The following PRDM2 variants were observed in gnomAD, a reference collection of about 807,000 sequenced individuals.
PRDM2 encodes the protein PR domain zinc finger protein 2.
Under a neutral mutation model 130.0 loss-of-function variants are expected in PRDM2, and 30 were observed. The ratio of observed to expected loss-of-function variants is 0.23; its 90% CI spans 0.17 to 0.31. PRDM2 has a LOEUF of 0.31. PRDM2 is among the 10% of genes least tolerant of loss of function. The pLI is 1.00. For missense variants in PRDM2, 2,011 were observed against 2,108.4 expected, an observed-to-expected ratio of 0.95 and a Z score of 0.90; for synonymous variants, 871 against 782.4, an observed-to-expected ratio of 1.11 and a Z score of -1.89.
intron 8 of PRDM2, among the ~76,000 whole-genome samples, chr1:13,791,943 G>A (rs904622931): frequency 6.6e-6 from 1 of 152,246 alleles, no homozygotes; most frequent in South Asian, 2.1e-4. Context: ...ACGGAAGACT[G>A]GTGCCTAAAT....
chr1:13,783,299 T>A, intron 8 of PRDM2: 1 of 380,994 alleles, frequency 2.6e-6, no homozygotes, highest in South Asian at 1.9e-5. Flanking sequence ...CCTGACACTT[T>A]CTTTCAGAAT....
In PRDM2 at chr1:13,806,612, C is replaced by A. The variant is rs1247731150; in HGVS notation, c.5037-9815C>A. On this transcript the variant is annotated intron_variant, in intron 8 of 9. Coordinates refer to ENST00000311066, the MANE Select transcript of PRDM2 (RefSeq NM_001393986.1). The surrounding 1 kb of genome is among the most constrained non-coding windows in gnomAD (Gnocchi z 4.1). ...TCATCAGCAGATCCCCAAACTCACC[C>A]GGAATCCACAGCTTCTCTCAGCTCA... 1.3e-5 allele frequency among the ~76,000 whole-genome samples: 2 copies of A among 152,254 alleles called. No homozygotes were observed. The highest frequency in any genetic ancestry group is 2.4e-5 in the African/African-American group (1 of 41,552).
intron 8 of PRDM2, among the ~76,000 whole-genome samples, chr1:13,789,320 A>G (rs558418402): frequency 6.6e-5 from 10 of 152,362 alleles, no homozygotes; most frequent in Admixed American, 1.3e-4. Flanking sequence ...CGTTGTTACA[A>G]GTACTTTCTA....
intron 6 of PRDM2, chr1:13,772,176 G>A (rs1479207228): frequency 1.3e-5 from 2 of 152,174 alleles, no homozygotes; most frequent in Non-Finnish European, 2.9e-5. Context: ...GTCTGGATCT[G>A]AAGACTGAAA....
At chr1:13,767,267 G>A (rs559231098) in intron 6 of PRDM2, among the ~76,000 whole-genome samples, 30 of 150,352 alleles carry the variant, frequency 2.0e-4, no homozygotes, top group Non-Finnish European at 3.3e-4. Flanking sequence ...TTTGATTGTT[G>A]CTTTTTTTTT....
intron 5 of PRDM2, among the ~76,000 whole-genome samples, chr1:13,747,853 G>C (rs1287980542): frequency 6.6e-6 from 1 of 151,192 alleles, no homozygotes; most frequent in East Asian, 1.9e-4. Context: ...AAATCAGGAA[G>C]CTAACAGCAA....
intron 1 of PRDM2, among the ~76,000 whole-genome samples, chr1:13,702,516 G>T (rs1032643037): frequency 1.3e-5 from 2 of 152,220 alleles, no homozygotes; most frequent in Admixed American, 1.3e-4. Context: ...TGCGGGTGCA[G>T]TCATAAGAAG....
intron 9 of PRDM2, among the ~76,000 whole-genome samples, chr1:13,818,218 T>C (rs920261659): frequency 2.0e-5 from 3 of 152,264 alleles, no homozygotes; most frequent in Admixed American, 2.0e-4. Flanking sequence ...CACGAGGCAG[T>C]GGTTAAAACA....
intron 6 of PRDM2, among the ~76,000 whole-genome samples, chr1:13,772,649 A>G (rs998719861): frequency 3.9e-5 from 6 of 152,252 alleles, no homozygotes; most frequent in Admixed American, 2.6e-4. Flanking sequence ...CTTAGCTAAA[A>G]GGGCCCCAAG....
intron 8 of PRDM2, chr1:13,787,908 T>C (rs1479684634): frequency 1.0e-6 from 1 of 985,090 alleles, no homozygotes; most frequent in Non-Finnish European, 1.2e-6. Context: ...TAATTATAGA[T>C]AGACAAGAGT....
chr1:13,738,030 G>C (rs1205017846), intron 4 of PRDM2, among the ~76,000 whole-genome samples: 4 of 151,816 alleles, frequency 2.6e-5, no homozygotes, highest in Admixed American at 2.6e-4. Context: ...TAACAAATCT[G>C]TTAGGAACTT....
At chr1:13,710,293 C>T (rs1488016008) in intron 1 of PRDM2, among the ~76,000 whole-genome samples, 1 of 152,206 alleles carries the variant, frequency 6.6e-6, no homozygotes, top group Non-Finnish European at 1.5e-5. Context: ...ATTTTCTGGT[C>T]TCTGGACTTC....
At chr1:13,789,315 T>C (rs1644801336) in intron 8 of PRDM2, among the ~76,000 whole-genome samples, 1 of 152,274 alleles carries the variant, frequency 6.6e-6, no homozygotes, top group Non-Finnish European at 1.5e-5. Flanking sequence ...GTCCTCGTTG[T>C]TACAAGTACT....
chr1:13,745,346 A>G (rs1174429226), intron 5 of PRDM2, among the ~76,000 whole-genome samples: 1 of 151,978 alleles, frequency 6.6e-6, no homozygotes, highest in Non-Finnish European at 1.5e-5. Flanking sequence ...GGAGCTGGCC[A>G]TGCAAAAGGT....
intron 2 of PRDM2, among the ~76,000 whole-genome samples, chr1:13,722,546 C>A (rs1642764715): frequency 6.6e-6 from 1 of 152,000 alleles, no homozygotes; most frequent in Non-Finnish European, 1.5e-5. Flanking sequence ...GAACAAACCC[C>A]ATCTGAGATG....
At position 13,780,803 on chromosome 1, in the gene PRDM2, C is replaced by T. The variant is rs747068509; in HGVS notation, c.3008C>T (p.Ser1003Phe). The change falls in exon 8 of 10, where the codon TCT becomes TTT. Residue 1003 changes from serine to phenylalanine, a missense_variant. By Grantham distance (155) the Ser-to-Phe change is radical. Transcript: ENST00000311066. ...VPLPAPSSSASPHPCPSPLSN... is the reference protein window; with the variant it reads ...VPLPAPSSSAFPHPCPSPLSN... ...CTTCCAGCCCCCTCTTCCAGTGCAT[C>T]TCCACACCCATGCCCCTCTCCACTC... The T allele has an allele frequency of 2.3e-5, 36 of 1,591,476 alleles. 1 individual carries two copies. The Admixed American group carries it at 6.2e-4, about 27-fold the overall frequency.
At chr1:13,718,770 C>G (rs1299800100) in intron 2 of PRDM2, among the ~76,000 whole-genome samples, 1 of 152,150 alleles carries the variant, frequency 6.6e-6, no homozygotes, top group Non-Finnish European at 1.5e-5. Flanking sequence ...GCTCCCTTCT[C>G]TCCATTCTCA....
At chr1:13,764,308 A>C (rs1256246429) in intron 6 of PRDM2, among the ~76,000 whole-genome samples, 1 of 152,178 alleles carries the variant, frequency 6.6e-6, no homozygotes, top group African/African-American at 2.4e-5. Flanking sequence ...TTTATATGTA[A>C]GGTTTTCAGA....
intron 8 of PRDM2, chr1:13,788,051 A>G (rs1644777076): frequency 1.0e-6 from 1 of 980,108 alleles, no homozygotes; most frequent in South Asian, 4.7e-5. Flanking sequence ...ATTTTATATT[A>G]TTGTAACCAA....
Sources: gnomAD v4.1 joint callset for allele counts (sites outside exome capture counted in the v4.1 genomes callset) on GRCh38, gnomAD v4.1.1 for gene constraint, Gnocchi (gnomAD v3.1) non-coding constraint, MANE v1.5 for transcripts, NCBI Gene and HGNC (gene_info 2026-07-23, HGNC 2026-07-21) for gene names.